Variants in ANKFN1 observed in about 807,000 individuals in gnomAD.
ANKFN1 encodes ankyrin repeat and fibronectin type-III domain-containing protein 1.
ANKFN1 carries 74 observed loss-of-function variants against 108.7 expected under a neutral mutation model. That is an observed-to-expected ratio of 0.68 (90% CI 0.56 to 0.83). The LOEUF is 0.83. Ranked by LOEUF, ANKFN1 falls within the 40% of genes least tolerant of loss-of-function variation. ANKFN1 has a pLI of 0.00. For missense variants in ANKFN1, 1,505 were observed against 1,382.3 expected (o/e 1.09, Z -1.41); for synonymous variants, 547 against 516.2 (o/e 1.06, Z -0.81).
chr17:56,106,612 C>T (rs1194159184), intron 4 of ANKFN1, among the ~76,000 whole-genome samples: 2 of 152,118 alleles, frequency 1.3e-5, no homozygotes, highest in Admixed American at 6.5e-5. Flanking sequence ...AATTTCTGAT[C>T]CCAGAACTGT....
At chr17:56,132,162 A>C (rs1907319919) in intron 4 of ANKFN1, among the ~76,000 whole-genome samples, 1 of 152,216 alleles carries the variant, frequency 6.6e-6, no homozygotes, top group Non-Finnish European at 1.5e-5. Context: ...CACTTAGTGC[A>C]AACAAAAACC....
chr17:56,420,683 C>CTTTTT (rs755355387), intron 8 of ANKFN1, among the ~76,000 whole-genome samples: 13 of 119,566 alleles, frequency 1.1e-4, no homozygotes, highest in East Asian at 2.4e-4. Flanking sequence ...CTGACTCCTT[C>CTTTTT]TTTTTTTTTT....
chr17:56,514,629 G>A lies in ANKFN1; in HGVS notation c.*3360G>A, dbSNP rs558122553. 4.6e-5 allele frequency among the ~76,000 whole-genome samples: 7 copies of A among 152,250 alleles called. No individual in the cohort carries two copies. Among genetic ancestry groups the A allele is most frequent in the Admixed American group, 2.0e-4 (3 of 15,302 alleles). ...AAGAAGTAGGTACTTAAAGATGAGA[G>A]CCATTCCCTTTAAAGAACATTCACT... On this transcript the variant is annotated 3_prime_UTR_variant, in exon 21 of 21. Transcript: ENST00000682825.
At chr17:56,320,417 G>T (rs1318774469) in intron 3 of ANKFN1, among the ~76,000 whole-genome samples, 1 of 152,116 alleles carries the variant, frequency 6.6e-6, no homozygotes, top group Non-Finnish European at 1.5e-5. Context: ...AATGTCTCCT[G>T]ACTGCCCTAG....
intron 8 of ANKFN1, among the ~76,000 whole-genome samples, chr17:56,427,379 G>A (rs558815954): frequency 4.1e-4 from 63 of 152,254 alleles, no homozygotes; most frequent in Middle Eastern, 3.4e-3. Flanking sequence ...TTATGGGCCA[G>A]CAATGTACAC....
At chr17:56,258,539 GGGCT>G (rs1478418154) in intron 3 of ANKFN1, among the ~76,000 whole-genome samples, 1 of 152,130 alleles carries the variant, frequency 6.6e-6, no homozygotes, top group Admixed American at 6.5e-5. Flanking sequence ...TTGGAATAAG[GGGCT>G]GGTAGAGACG....
intron 3 of ANKFN1, among the ~76,000 whole-genome samples, chr17:56,237,782 C>T (rs1411206594): frequency 2.0e-5 from 3 of 151,678 alleles, no homozygotes; most frequent in Non-Finnish European, 4.4e-5. Flanking sequence ...TCTTTCAGTT[C>T]AGCTCTGATT....
chr17:56,128,721 C>T (rs1160916252), intron 4 of ANKFN1, among the ~76,000 whole-genome samples: 1 of 152,240 alleles, frequency 6.6e-6, no homozygotes, highest in East Asian at 1.9e-4. Context: ...ACCTATGTCA[C>T]TTTACTTAAT....
At chr17:56,323,968 G>A (rs564886493) in intron 3 of ANKFN1, among the ~76,000 whole-genome samples, 8 of 152,232 alleles carry the variant, frequency 5.3e-5, no homozygotes, top group Admixed American at 1.3e-4. Flanking sequence ...ACAGCCTAGG[G>A]GCTAGAAAAA....
intron 3 of ANKFN1, among the ~76,000 whole-genome samples, chr17:56,284,288 C>A (rs749996332): frequency 6.6e-6 from 1 of 152,172 alleles, no homozygotes; most frequent in African/African-American, 2.4e-5. Context: ...CAGCAATAGA[C>A]TTAATTGTTA....
rs79410741 is a variant in ANKFN1 at position 56,386,670 on chromosome 17, C to T, written c.910+11956C>T. Among the ~76,000 whole-genome samples the T allele has an allele frequency of 7.7e-3, 1,045 of 135,408 alleles. 7 individuals are homozygous for T. Among genetic ancestry groups the T allele is most frequent in the Non-Finnish European group, 0.012 (778 of 64,942 alleles). 88.8% of individuals were successfully genotyped at this position (135,408 alleles called of 152,430 possible). A position where few individuals can be genotyped will look rare whatever the true frequency, so the allele number is the denominator to read the frequency against. On this transcript the variant is annotated intron_variant, in intron 8 of 20. Coordinates refer to ENST00000682825, the MANE Select transcript of ANKFN1 (RefSeq NM_001370326.1). ...TTTTCTTTTTCTGGTCTCACTTGTT[C>T]GACAAGAATCAATGTGAATTCAGTT... is the stretch of plus-strand genomic sequence containing the variant.
chr17:56,305,777 T>C (rs1263977073), intron 3 of ANKFN1, among the ~76,000 whole-genome samples: 1 of 152,236 alleles, frequency 6.6e-6, no homozygotes, highest in Non-Finnish European at 1.5e-5. Context: ...TTTTACATTT[T>C]ATATTTAAAT....
intron 8 of ANKFN1, among the ~76,000 whole-genome samples, chr17:56,431,899 G>GC (rs2048769386): frequency 6.6e-6 from 1 of 152,194 alleles, no homozygotes; most frequent in Non-Finnish European, 1.5e-5. Flanking sequence ...TGCTCTCCTT[G>GC]CTCTGTTCCT....
At chr17:56,163,405 T>C (rs984302154) in intron 1 of ANKFN1, among the ~76,000 whole-genome samples, 9 of 152,234 alleles carry the variant, frequency 5.9e-5, no homozygotes, top group Non-Finnish European at 1.3e-4. Flanking sequence ...GTAATAGTCA[T>C]GTAGCGGTGC....
chr17:56,509,536 C>T (rs1052576273), intron 20 of ANKFN1, among the ~76,000 whole-genome samples: 44 of 152,296 alleles, frequency 2.9e-4, no homozygotes, highest in East Asian at 9.6e-4. Context: ...TTAATTATAT[C>T]GCCATGCTTA....
At chr17:56,467,743 CA>C (rs1355639065) in intron 15 of ANKFN1, among the ~76,000 whole-genome samples, 1 of 72,624 alleles carries the variant, frequency 1.4e-5, no homozygotes. Flanking sequence ...AAGAAAGAAA[CA>C]AAGAAAGAAA....
In ANKFN1 at chr17:56,189,170, C is replaced by CTTT. The variant is rs532063852; in HGVS notation, c.-70-23412_-70-23410dup. 5.9e-5 allele frequency among the ~76,000 whole-genome samples: 5 copies of CTTT among 85,290 alleles called. 1 individual carries two copies. The highest frequency in any genetic ancestry group is 3.4e-4 in the African/African-American group (5 of 14,730). The allele number at this position is 85,290 out of a possible 152,430, so 56.0% of individuals were successfully genotyped here. A position where few individuals can be genotyped will look rare whatever the true frequency, so the allele number is the denominator to read the frequency against. ...CCTAAGTAAGTAAATGTTGCCCTGA[C>CTTT]TTTTTTTTTTTTTTTTTTGAGACGG... On this transcript the variant is annotated intron_variant, in intron 1 of 20. Transcript: ENST00000682825.
At chr17:56,154,458 T>C (rs754484905) in intron 1 of ANKFN1, among the ~76,000 whole-genome samples, 3 of 152,048 alleles carry the variant, frequency 2.0e-5, no homozygotes, top group Non-Finnish European at 4.4e-5. Context: ...CAGAGCACCG[T>C]TCAGTTTTCC....
intron 8 of ANKFN1, among the ~76,000 whole-genome samples, chr17:56,392,743 T>C (rs897854941): frequency 6.6e-6 from 1 of 152,222 alleles, no homozygotes; most frequent in African/African-American, 2.4e-5. Context: ...TCAGGGTCTA[T>C]CTGGCTTTCT....
Sources: allele counts gnomAD v4.1 joint callset (sites outside exome capture counted in the v4.1 genomes callset), GRCh38; gene constraint gnomAD v4.1.1; transcripts MANE v1.5; gene names NCBI Gene and HGNC (gene_info 2026-07-23, HGNC 2026-07-21).